Variants in YME1L1 observed in about 807,000 individuals in gnomAD.
The protein encoded by YME1L1 is ATP-dependent zinc metalloprotease YME1L1.
A neutral mutation model predicts 90.4 loss-of-function variants in YME1L1; 39 were observed. The ratio of observed to expected loss-of-function variants is 0.43; its 90% CI spans 0.33 to 0.56. The LOEUF (loss-of-function observed/expected upper bound fraction) is 0.56, where lower values mean the gene tolerates loss of function less well. Ranked by LOEUF, YME1L1 falls within the 20% of genes least tolerant of loss-of-function variation. YME1L1 has a pLI of 0.03. For synonymous variants in YME1L1, 284 were observed against 287.3 expected (o/e 0.99, Z 0.12); for missense variants, 617 against 868.4 (o/e 0.71, Z 3.64).
In YME1L1 at chr10:27,117,654, G is replaced by C. The variant is rs774633405; in HGVS notation, c.1641C>G (p.Ala547=). Residue 547 remains alanine (A), a synonymous_variant, in exon 15 of 19, where the codon GCC becomes GCG. Transcript: ENST00000376016. ...TITAYHESGH[A]IIAYYTKDAM... ...CATCTTTTGTGTAATATGCAATAAT[G>C]GCATGACCAGATTCATGATATGCTG... 1.9e-6 allele frequency: 3 copies of C among 1,614,118 alleles called. No homozygotes were observed. The highest frequency in any genetic ancestry group is 1.7e-5 in the Admixed American group (1 of 60,016).
chr10:27,150,434 C>G lies in YME1L1; in HGVS notation c.34-1394G>C, dbSNP rs77402880. Among the ~76,000 whole-genome samples the G allele has an allele frequency of 2.5e-3, 384 of 152,196 alleles. 3 individuals carry two copies. Among genetic ancestry groups the G allele is most frequent in the African/African-American group, 8.7e-3 (362 of 41,502 alleles). On this transcript the variant is annotated intron_variant, in intron 1 of 18. Coordinates refer to ENST00000376016, the MANE Select transcript of YME1L1 (RefSeq NM_014263.4). Reference sequence around the variant, plus strand: ...AAATGAGGGTAAATGAGGCTGAGACCTACTGGGTTGCATTCCCAGGAGGTT... The same window carrying G: ...AAATGAGGGTAAATGAGGCTGAGACGTACTGGGTTGCATTCCCAGGAGGTT...
At chr10:27,121,128 G>A (rs1017554288) in intron 12 of YME1L1, among the ~76,000 whole-genome samples, 1 of 152,160 alleles carries the variant, frequency 6.6e-6, no homozygotes, top group African/African-American at 2.4e-5. Context: ...ATTCAGAATT[G>A]TACAACCATC....
chr10:27,126,800 A>G lies in YME1L1; in HGVS notation c.859-14T>C. 6.7e-7 allele frequency: 1 copy of G among 1,492,976 alleles called. No homozygotes were observed. The highest frequency in any genetic ancestry group is 2.0e-5 in the Admixed American group (1 of 49,818). 92.5% of individuals were successfully genotyped at this position (1,492,976 alleles called of 1,614,324 possible). A position where few individuals can be genotyped will look rare whatever the true frequency, so the allele number is the denominator to read the frequency against. ...AGCTTCCTCCACCTAAAGTGACACA[A>G]TTTTCCAAATAACTTTAGATAATGG... On this transcript the variant is annotated splice_polypyrimidine_tract_variant and intron_variant, in intron 8 of 18. Coordinates refer to ENST00000376016, the MANE Select transcript of YME1L1 (RefSeq NM_014263.4).
At chr10:27,132,020 CA>C (rs1303110155) in intron 7 of YME1L1, 79 bp from the exon 8 acceptor site, 1 of 1,183,202 alleles carries the variant, frequency 8.5e-7, no homozygotes, top group African/African-American at 1.5e-5. Flanking sequence ...TGCAAGAAAG[CA>C]AAGCCTAGAA....
chr10:27,114,524 T>C lies in YME1L1; in HGVS notation c.2004A>G (p.Leu668=). The C allele has an allele frequency of 6.2e-7, 1 of 1,612,600 alleles. No homozygotes were observed. The highest frequency in any genetic ancestry group is 8.5e-7 in the Non-Finnish European group (1 of 1,179,082). The change falls in exon 18 of 19, where the codon CTA becomes CTG. Residue 668 remains leucine, a synonymous_variant. Transcript: ENST00000376016. The part of the protein sequence containing the change: ...SAIEQEIRIL[L]RDSYERAKHI... ...TAAGCACAAAAAATATTATTACCCT[T>C]AGAAGGATTCTTATTTCTTGTTCGA...
chr10:27,125,279 A>G (rs1377894908), intron 9 of YME1L1, among the ~76,000 whole-genome samples: 1 of 152,144 alleles, frequency 6.6e-6, no homozygotes, highest in African/African-American at 2.4e-5. Context: ...CATAAATTAG[A>G]AGGATACTGT....
rs768361666 is a variant in YME1L1, at chr10:27,154,378, G to C, written c.-168C>G. ...CTCCCCTTCCTACAGCTACTGCAAC[G>C]ACAGACAATCCGCCCCGGAAGGCGA... is the stretch of plus-strand genomic sequence containing the variant. On this transcript the variant is annotated 5_prime_UTR_variant, in exon 1 of 19. Transcript: ENST00000376016. 25 of 765,740 alleles carry C rather than the reference G, an allele frequency of 3.3e-5. No individual in the cohort carries two copies. In the Admixed American group the frequency reaches 5.6e-4, roughly 17 times the overall value. The allele number at this position is 765,740 out of a possible 1,614,324, so 47.4% of individuals were successfully genotyped here. A position where few individuals can be genotyped will look rare whatever the true frequency, so the allele number is the denominator to read the frequency against.
intron 4 of YME1L1, among the ~76,000 whole-genome samples, chr10:27,137,769 T>C (rs568922540): frequency 3.7e-4 from 56 of 152,308 alleles, no homozygotes; most frequent in African/African-American, 1.3e-3. Context: ...AAATTGACCA[T>C]GCATGTCCTT....
At position 27,131,863 on chromosome 10, in the gene YME1L1, T is replaced by C; in HGVS notation, c.854A>G (p.Lys285Arg). ...AAGGCAATCTTCTTAACTTACCCCT[T>C]TAACATGTTCAAAGGTGACATTTTT... The part of the protein sequence containing the change: ...QMKNVTFEHV[K>R]GVEEAKQELQ... Residue 285 changes from lysine (K) to arginine (R), a missense_variant, in exon 8 of 19, where the codon AAA becomes AGA. Physicochemically the swap from Lys to Arg is conservative, Grantham distance 26. Transcript: ENST00000376016. 1 of 1,611,230 alleles carries C rather than the reference T, an allele frequency of 6.2e-7. No individual in the cohort carries two copies. Among genetic ancestry groups the C allele is most frequent in the Non-Finnish European group, 8.5e-7 (1 of 1,178,994 alleles).
chr10:27,124,709 G>A (rs1161992464), intron 9 of YME1L1, among the ~76,000 whole-genome samples: 4 of 152,070 alleles, frequency 2.6e-5, no homozygotes, highest in Non-Finnish European at 5.9e-5. Flanking sequence ...AATACTCCTT[G>A]TGATTAGAAA....
In YME1L1 at chr10:27,116,059, C is replaced by A. The variant is rs748753689; in HGVS notation, c.1920+1G>T. 2 of 1,611,822 alleles carry A rather than the reference C, an allele frequency of 1.2e-6. No homozygotes were observed. The highest frequency in any genetic ancestry group is 2.7e-5 in the African/African-American group (2 of 74,842). On this transcript the variant is annotated splice_donor_variant, in intron 17 of 18. Coordinates refer to ENST00000376016, the MANE Select transcript of YME1L1 (RefSeq NM_014263.4). LOFTEE classifies it high-confidence loss of function. Reference sequence around the variant, plus strand: ...TGAAAAGGATTTAAAAAATCTATTACCTTTTCACTCATTCCAAATTTGGTA... The same window carrying A: ...TGAAAAGGATTTAAAAAATCTATTAACTTTTCACTCATTCCAAATTTGGTA...
chr10:27,150,515 A>T (rs934186797), intron 1 of YME1L1, among the ~76,000 whole-genome samples: 2 of 152,216 alleles, frequency 1.3e-5, no homozygotes, highest in African/African-American at 4.8e-5. Flanking sequence ...CAGGTCATAA[A>T]GACCGTGATG....
chr10:27,122,943 A>G lies in YME1L1; in HGVS notation c.1133T>C (p.Ile378Thr), dbSNP rs1486031631. 3 of 1,613,338 alleles carry G rather than the reference A, an allele frequency of 1.9e-6. No homozygotes were observed. The highest frequency in any genetic ancestry group is 3.3e-5 in the Admixed American group (2 of 59,990). ...AACAGAATCTAATTCATCAATAAATATAACACAAGGAGCATTCGCCTTTGC... is the reference window on the plus strand; with the variant it reads ...AACAGAATCTAATTCATCAATAAATGTAACACAAGGAGCATTCGCCTTTGC... ...REAKANAPCV[I>T]FIDELDSVGG... The change falls in exon 11 of 19, where the codon ATA becomes ACA. Residue 378 changes from isoleucine (I) to threonine (T), a missense_variant. Physicochemically the swap from Ile to Thr is moderately conservative, Grantham distance 89. Around this residue, in one of 4 missense-constraint regions of YME1L1, gnomAD observed 93 missense variants for 184.8 expected, o/e 0.50. Coordinates refer to ENST00000376016, the MANE Select transcript of YME1L1 (RefSeq NM_014263.4).
chr10:27,127,440 A>C (rs890462778), intron 8 of YME1L1, among the ~76,000 whole-genome samples: 2 of 152,216 alleles, frequency 1.3e-5, no homozygotes, highest in Admixed American at 1.3e-4. Context: ...GTATAAAAAT[A>C]GTCACACCAG....
chr10:27,111,960 C>A lies in YME1L1; in HGVS notation c.*17G>T, dbSNP rs781363362. The A allele has an allele frequency of 2.5e-6, 4 of 1,613,826 alleles. No homozygotes were observed. Among genetic ancestry groups the A allele is most frequent in the Non-Finnish European group, 2.5e-6 (3 of 1,179,922 alleles). The stretch of plus-strand genomic sequence containing the variant: ...TTCTTGCAATAAAACCAGCAAGCAT[C>A]CATATCAAGAGAGTTATCATCTCAC... On this transcript the variant is annotated 3_prime_UTR_variant, in exon 19 of 19. Coordinates refer to ENST00000376016, the MANE Select transcript of YME1L1 (RefSeq NM_014263.4).
At chr10:27,123,896 CTG>C (rs1241859684) in intron 9 of YME1L1, among the ~76,000 whole-genome samples, 197 bp from the exon 10 acceptor site, 1 of 152,024 alleles carries the variant, frequency 6.6e-6, no homozygotes, top group Non-Finnish European at 1.5e-5. Flanking sequence ...ATTAATGTTC[CTG>C]TATTATATAA....
intron 1 of YME1L1, chr10:27,153,390 A>G (rs1346030072): frequency 3.0e-6 from 1 of 336,830 alleles, no homozygotes; most frequent in Non-Finnish European, 6.0e-6. Context: ...TTTCTTAAAA[A>G]TTATGTTTTA....
chr10:27,127,784 T>C (rs1054408766), intron 8 of YME1L1, among the ~76,000 whole-genome samples: 4 of 152,172 alleles, frequency 2.6e-5, no homozygotes, highest in African/African-American at 9.7e-5. Flanking sequence ...TGGGTACTTA[T>C]AACACAGACA....
intron 2 of YME1L1, chr10:27,147,503 T>C: frequency 6.2e-7 from 1 of 1,612,598 alleles, no homozygotes; most frequent in Non-Finnish European, 8.5e-7. Flanking sequence ...TGTACAGGGA[T>C]TGAGAGGGAG....
Sources: gnomAD v4.1 joint callset for allele counts (sites outside exome capture counted in the v4.1 genomes callset) on GRCh38, gnomAD v4.1.1 for gene constraint, gnomAD v4.1.1 regional missense constraint, MANE v1.5 for transcripts, NCBI Gene and HGNC (gene_info 2026-07-23, HGNC 2026-07-21) for gene names.